Variants in POP5 observed in about 807,000 individuals in gnomAD.
POP5 encodes the protein ribonuclease P/MRP protein subunit POP5.
Under a neutral mutation model 20.7 loss-of-function variants are expected in POP5, and 18 were observed. That is an observed-to-expected ratio of 0.87 (90% CI 0.60 to 1.29). POP5 has a LOEUF of 1.29. Ranked by LOEUF, POP5 falls within the 50% of genes most tolerant of loss-of-function variation. The probability of loss-of-function intolerance (pLI) is 0.00; values close to 1 mark genes in which losing one functional copy is unlikely to be tolerated. For synonymous variants in POP5, 91 were observed against 78.0 expected (o/e 1.17, Z -0.88); for missense variants, 200 against 203.2 (o/e 0.98, Z 0.10).
chr12:120,580,101 G>A (rs1877784416), intron 2 of POP5, 178 bp from the exon 3 acceptor site: 1 of 559,794 alleles, frequency 1.8e-6, no homozygotes, highest in Non-Finnish European at 3.1e-6. Context: ...AATTAGCTGG[G>A]TGTGGTGGTG....
rs1376248934 is a variant in POP5, at chr12:120,579,011, C to T, written c.*307G>A. On this transcript the variant is annotated 3_prime_UTR_variant, in exon 5 of 5. Transcript: ENST00000357500. ...ACAGAGACTTGGCCAAGCATGGACT[C>T]CATAAGCCCTTTCTGTAATATAAGT... The T allele has an allele frequency of 4.9e-6, 2 of 404,600 alleles. No individual in the cohort carries two copies. The highest frequency in any genetic ancestry group is 9.2e-6 in the Non-Finnish European group (2 of 216,688). 25.1% of individuals were successfully genotyped at this position (404,600 alleles called of 1,614,324 possible).
rs1877697447 is a variant in POP5 at position 120,579,080 on chromosome 12, C to G, written c.*238G>C. ...ACCAGATACATTTATTAAATCTACTCTTAGCCAAGCAATAAAGATGTCTAC... is the reference window on the plus strand; with the variant it reads ...ACCAGATACATTTATTAAATCTACTGTTAGCCAAGCAATAAAGATGTCTAC... On this transcript the variant is annotated 3_prime_UTR_variant, in exon 5 of 5. Coordinates refer to ENST00000357500, the MANE Select transcript of POP5 (RefSeq NM_015918.4). The G allele has an allele frequency of 1.8e-6, 1 of 566,282 alleles. No individual in the cohort carries two copies. Among genetic ancestry groups the G allele is most frequent in the African/African-American group, 1.9e-5 (1 of 53,244 alleles). 35.1% of individuals were successfully genotyped at this position (566,282 alleles called of 1,614,324 possible). A position where few individuals can be genotyped will look rare whatever the true frequency, so the allele number is the denominator to read the frequency against.
At position 120,579,068 on chromosome 12, in the gene POP5, A is replaced by T. The variant is rs1877696813; in HGVS notation, c.*250T>A. On this transcript the variant is annotated 3_prime_UTR_variant, in exon 5 of 5. Coordinates refer to ENST00000357500, the MANE Select transcript of POP5 (RefSeq NM_015918.4). ...AATGCCACGGAAACCAGATACATTT[A>T]TTAAATCTACTCTTAGCCAAGCAAT... The T allele has an allele frequency of 3.7e-6, 2 of 546,142 alleles. No homozygotes were observed. Among genetic ancestry groups the T allele is most frequent in the Non-Finnish European group, 6.6e-6 (2 of 305,070 alleles). The allele number at this position is 546,142 out of a possible 1,614,324, so 33.8% of individuals were successfully genotyped here.
In POP5 at chr12:120,579,158, C is replaced by T. The variant is rs553855297; in HGVS notation, c.*160G>A. On this transcript the variant is annotated 3_prime_UTR_variant, in exon 5 of 5. Transcript: ENST00000357500. ...AGGGAATGCTAGGTAAAGGCAACTT[C>T]AGTTTAACTGAGTACTCCATTTCAA... The T allele has an allele frequency of 4.7e-5, 31 of 656,868 alleles. No homozygotes were observed. Among genetic ancestry groups the T allele is most frequent in the South Asian group, 3.5e-4 (19 of 54,324 alleles). The allele number at this position is 656,868 out of a possible 1,614,324, so 40.7% of individuals were successfully genotyped here. A position where few individuals can be genotyped will look rare whatever the true frequency, so the allele number is the denominator to read the frequency against.
intron 2 of POP5, 189 bp downstream of exon 2, chr12:120,580,926 C>T: frequency 1.2e-6 from 1 of 852,520 alleles, no homozygotes; most frequent in Non-Finnish European, 1.8e-6. Context: ...CCACTGCCTT[C>T]GGGCCCCTCC....
chr12:120,581,090 C>T, intron 2 of POP5, 25 bp downstream of exon 2: 2 of 1,604,540 alleles, frequency 1.2e-6, no homozygotes, highest in Non-Finnish European at 1.7e-6. Context: ...TCCCGGGTTC[C>T]CCTCTTCCCC....
Position 120,579,315 on chromosome 12 carries a change from G to A in POP5, c.*3C>T, listed in dbSNP as rs1406515790. 6.2e-7 allele frequency: 1 copy of A among 1,612,852 alleles called. No individual in the cohort carries two copies. Among genetic ancestry groups the A allele is most frequent in the East Asian group, 2.2e-5 (1 of 44,882 alleles). On this transcript the variant is annotated 3_prime_UTR_variant, in exon 5 of 5. Transcript: ENST00000357500. ...TGTAGCCAGCTGTGTGGGGAGCAGAGGTTCACTCCATTGCTTCTGCAGCCT... is the reference window on the plus strand; with the variant it reads ...TGTAGCCAGCTGTGTGGGGAGCAGAAGTTCACTCCATTGCTTCTGCAGCCT...
Position 120,581,345 on chromosome 12 carries a change from G to C in POP5, c.18C>G (p.His6Gln), listed in dbSNP as rs145609940. ...AGGGTCTGGAAGGGAATGCTTACCT[G>C]TGCTTGAACCGCACCATGGCTGCCT... MVRFK[H>Q]RYLLCELVSD... Residue 6 changes from histidine to glutamine, a missense_variant and splice_region_variant, in exon 1 of 5, where the codon CAC becomes CAG. Coordinates refer to ENST00000357500, the MANE Select transcript of POP5 (RefSeq NM_015918.4). 45 of 1,613,634 alleles carry C rather than the reference G, an allele frequency of 2.8e-5. 1 individual carries two copies. The African/African-American group carries it at 4.9e-4, about 18-fold the overall frequency.
At position 120,579,778 on chromosome 12, in the gene POP5, C is replaced by T; in HGVS notation, c.309G>A (p.Val103=). 1 of 1,606,514 alleles carries T rather than the reference C, an allele frequency of 6.2e-7. No individual in the cohort carries two copies. The highest frequency in any genetic ancestry group is 8.5e-7 in the Non-Finnish European group (1 of 1,173,118). ...GCCATACCACCTCACTCCTACCTCC[C>T]ACATGTAATGTGTTGAAAAAGCATG... ...RYPCFFNTLH[V]GGTIRTCQKF... The change falls in exon 3 of 5, where the codon GTG becomes GTA. Residue 103 remains valine (V), a synonymous_variant. Coordinates refer to ENST00000357500, the MANE Select transcript of POP5 (RefSeq NM_015918.4).
In POP5 at chr12:120,581,391, T is replaced by G. The variant is rs1463980463; in HGVS notation, c.-29A>C. On this transcript the variant is annotated 5_prime_UTR_variant, in exon 1 of 5. Coordinates refer to ENST00000357500, the MANE Select transcript of POP5 (RefSeq NM_015918.4). ...TGCCTCCGCGCTCTCCGGTCCGGCG[T>G]GCAAACCGGATGTGAATTCTGTCCG... 14 of 1,604,884 alleles carry G rather than the reference T, an allele frequency of 8.7e-6. No homozygotes were observed. The highest frequency in any genetic ancestry group is 1.2e-5 in the Non-Finnish European group (14 of 1,176,114).
Position 120,581,357 on chromosome 12 carries a change from C to G in POP5, c.6G>C (p.Val2=). The G allele has an allele frequency of 1.2e-6, 2 of 1,613,088 alleles. No individual in the cohort carries two copies. The highest frequency in any genetic ancestry group is 1.7e-6 in the Non-Finnish European group (2 of 1,179,644). Residue 2 remains valine, a synonymous_variant, in exon 1 of 5, where the codon GTG becomes GTC. Coordinates refer to ENST00000357500, the MANE Select transcript of POP5 (RefSeq NM_015918.4). The part of the protein sequence containing the change: M[V]RFKHRYLLCE... Reference sequence around the variant, plus strand: ...GGAATGCTTACCTGTGCTTGAACCGCACCATGGCTGCCTCCGCGCTCTCCG... The same window carrying G: ...GGAATGCTTACCTGTGCTTGAACCGGACCATGGCTGCCTCCGCGCTCTCCG...
rs1197465081 is a variant in POP5, at chr12:120,580,919, C to T, written c.163+196G>A. On this transcript the variant is annotated intron_variant, in intron 2 of 4. Coordinates refer to ENST00000357500, the MANE Select transcript of POP5 (RefSeq NM_015918.4). ...AAGAGGCTTCTAGCTCAAAGCCCCA[C>T]TGCCTTCGGGCCCCTCCTTTTAGCG... The T allele has an allele frequency of 5.1e-6, 4 of 787,620 alleles. No individual in the cohort carries two copies. The East Asian group carries it at 8.1e-5, about 16-fold the overall frequency. 48.8% of individuals were successfully genotyped at this position (787,620 alleles called of 1,614,324 possible).
intron 2 of POP5, 128 bp downstream of exon 2, chr12:120,580,985 TAA>T (rs1877832717): frequency 1.4e-6 from 2 of 1,414,444 alleles, no homozygotes; most frequent in Admixed American, 2.3e-5. Flanking sequence ...CCCAGGCGCT[TAA>T]AGAGATACCT....
Position 120,581,381 on chromosome 12 carries a change from CG to C in POP5, c.-20del. The C allele has an allele frequency of 1.6e-5, 26 of 1,608,730 alleles. No homozygotes were observed. Among genetic ancestry groups the C allele is most frequent in the Non-Finnish European group, 2.2e-5 (26 of 1,177,814 alleles). On this transcript the variant is annotated 5_prime_UTR_variant, in exon 1 of 5. Coordinates refer to ENST00000357500, the MANE Select transcript of POP5 (RefSeq NM_015918.4). ...GCACCATGGCTGCCTCCGCGCTCTC[CG>C]GTCCGGCGTGCAAACCGGATGTGAA...
Position 120,579,696 on chromosome 12 carries a change from A to T in POP5, c.313+78T>A, listed in dbSNP as rs1341252804. 3 of 1,550,264 alleles carry T rather than the reference A, an allele frequency of 1.9e-6. No homozygotes were observed. In the East Asian group the frequency reaches 6.7e-5, roughly 35 times the overall value. On this transcript the variant is annotated intron_variant, in intron 3 of 4. Coordinates refer to ENST00000357500, the MANE Select transcript of POP5 (RefSeq NM_015918.4). ...GTGTCTTGTTAGCGGGACAGCAGCA[A>T]GACCCACCCACCAGTTTAGACTGAA...
intron 2 of POP5, chr12:120,580,241 G>A (rs1372994384): frequency 2.8e-5 from 7 of 248,404 alleles, no homozygotes; most frequent in African/African-American, 1.4e-4. Context: ...AGACTGTCTC[G>A]AAAAAAGGAA....
rs1349153077 is a variant in POP5 at position 120,579,363 on chromosome 12, C to T, written c.447G>A (p.Glu149=). 1.9e-6 allele frequency: 3 copies of T among 1,614,098 alleles called. No homozygotes were observed. The highest frequency in any genetic ancestry group is 2.5e-6 in the Non-Finnish European group (3 of 1,180,018). ...QKSVTRSCLL[E]EEEESGEEAA... ...CCTCCTCACCTGACTCCTCCTCCTC[C>T]TCTAATAAGCAGCTTCTTGTCACAG... Residue 149 remains glutamate, a synonymous_variant, in exon 5 of 5, where the codon GAG becomes GAA. Coordinates refer to ENST00000357500, the MANE Select transcript of POP5 (RefSeq NM_015918.4).
chr12:120,579,425 G>A lies in POP5; in HGVS notation c.398-13C>T. On this transcript the variant is annotated splice_polypyrimidine_tract_variant and intron_variant, in intron 4 of 4. Coordinates refer to ENST00000357500, the MANE Select transcript of POP5 (RefSeq NM_015918.4). ...GCTTCCCGCTCTCCTGGAGAAGGCA[G>A]ATAACAGGGATGAAAGATATCTTTG... 1.2e-6 allele frequency: 2 copies of A among 1,611,086 alleles called. No individual in the cohort carries two copies. Among genetic ancestry groups the A allele is most frequent in the Non-Finnish European group, 1.7e-6 (2 of 1,177,218 alleles).
chr12:120,579,671 GT>G (rs3833953), intron 3 of POP5, 74 bp from the exon 4 acceptor site: 488,036 of 1,551,264 alleles, frequency 0.31, 80,059 homozygotes, highest in East Asian at 0.51. Context: ...GTAGGGGGAA[GT>G]GTCTTGTTAG....
Sources: gnomAD v4.1 joint callset for allele counts on GRCh38, gnomAD v4.1.1 for gene constraint, MANE v1.5 for transcripts, NCBI Gene and HGNC (gene_info 2026-07-23, HGNC 2026-07-21) for gene names.